MYCN: variants seen among roughly 807,000 people sequenced by gnomAD.
MYCN encodes the protein MYCN proto-oncogene, bHLH transcription factor.
Under a neutral mutation model 28.1 loss-of-function variants are expected in MYCN, and 3 were observed. The observed-to-expected ratio is 0.11, with a 90% CI of 0.05 to 0.28. The LOEUF (loss-of-function observed/expected upper bound fraction) is 0.28. MYCN is among the 10% of genes least tolerant of loss of function. The probability of loss-of-function intolerance (pLI) is 1.00; values close to 1 mark genes in which losing one functional copy is unlikely to be tolerated. For synonymous variants in MYCN, 326 were observed against 288.3 expected, an observed-to-expected ratio of 1.13 and a Z score of -1.32; for missense variants, 572 against 651.4, an observed-to-expected ratio of 0.88 and a Z score of 1.33.
At position 15,946,442 on chromosome 2, in the gene MYCN, T is replaced by C; in HGVS notation, c.*345T>C. On this transcript the variant is annotated 3_prime_UTR_variant, in exon 3 of 3. Coordinates refer to ENST00000281043, the MANE Select transcript of MYCN (RefSeq NM_005378.6). ...CCTTCTTTTTAAAATGGTGCTTAAGTTCCAGCAGATGCCACATAAGGGGTT... is the reference window on the plus strand; with the variant it reads ...CCTTCTTTTTAAAATGGTGCTTAAGCTCCAGCAGATGCCACATAAGGGGTT... The C allele has an allele frequency of 2.3e-6, 1 of 430,254 alleles. No individual in the cohort carries two copies. Among genetic ancestry groups the C allele is most frequent in the Non-Finnish European group, 4.3e-6 (1 of 230,984 alleles). The allele number at this position is 430,254 out of a possible 1,614,324, so 26.7% of individuals were successfully genotyped here. A position where few individuals can be genotyped will look rare whatever the true frequency, so the allele number is the denominator to read the frequency against.
chr2:15,946,140 T>C lies in MYCN; in HGVS notation c.*43T>C, dbSNP rs1188147846. The C allele has an allele frequency of 1.9e-6, 3 of 1,613,566 alleles. No homozygotes were observed. Among genetic ancestry groups the C allele is most frequent in the African/African-American group, 2.7e-5 (2 of 74,932 alleles). On this transcript the variant is annotated 3_prime_UTR_variant, in exon 3 of 3. Coordinates refer to ENST00000281043, the MANE Select transcript of MYCN (RefSeq NM_005378.6). Reference sequence around the variant, plus strand: ...ACAGTCACTGCCACTTTGCACATTTTGATTTTTTTTTTAAACAAACATTGT... The same window carrying C: ...ACAGTCACTGCCACTTTGCACATTTCGATTTTTTTTTTAAACAAACATTGT...
At chr2:15,943,386 C>T (rs1662768375) in intron 2 of MYCN, among the ~76,000 whole-genome samples, 2 of 147,336 alleles carry the variant, frequency 1.4e-5, no homozygotes, top group Non-Finnish European at 3.0e-5. Flanking sequence ...AGCCGATTTT[C>T]TATTCTTTTT....
intron 2 of MYCN, among the ~76,000 whole-genome samples, chr2:15,944,249 G>T (rs1312261224): frequency 6.6e-6 from 1 of 152,138 alleles, no homozygotes; most frequent in Non-Finnish European, 1.5e-5. Flanking sequence ...TCAAGCAGAA[G>T]ATATGTTTTG....
At position 15,945,339 on chromosome 2, in the gene MYCN, A is replaced by G. The variant is rs1662832546; in HGVS notation, c.791-154A>G. Among the ~76,000 whole-genome samples, 1 of 152,154 alleles carries G rather than the reference A, an allele frequency of 6.6e-6. No individual in the cohort carries two copies. Among genetic ancestry groups the G allele is most frequent in the African/African-American group, 2.4e-5 (1 of 41,420 alleles). On this transcript the variant is annotated intron_variant, in intron 2 of 2. Transcript: ENST00000281043. This position sits in a 1 kb window ranked among gnomAD's most constrained non-coding sequence, Gnocchi z 4.8. ...ATTTAAAGAGATCTAAAACAAATACAAAACTGTCCACATCTATGTTGATGG... is the reference window on the plus strand; with the variant it reads ...ATTTAAAGAGATCTAAAACAAATACGAAACTGTCCACATCTATGTTGATGG...
rs1202048593 is a variant in MYCN, at chr2:15,945,578, G to C, written c.876G>C (p.Lys292Asn). 1.9e-6 allele frequency: 3 copies of C among 1,614,092 alleles called. No homozygotes were observed. Among genetic ancestry groups the C allele is most frequent in the Non-Finnish European group, 2.5e-6 (3 of 1,180,016 alleles). The change falls in exon 3 of 3, where the codon AAG (lysine) becomes AAC (asparagine). Residue 292 changes from lysine (K) to asparagine (N), a missense_variant. By Grantham distance (94) the Lys-to-Asn change is moderately conservative. This residue lies in a region of MYCN where 499 missense variants were observed against 524.3 expected (regional missense o/e 0.95). Coordinates refer to ENST00000281043, the MANE Select transcript of MYCN (RefSeq NM_005378.6). The surrounding 1 kb of genome is among the most constrained non-coding windows in gnomAD (Gnocchi z 4.8). ...VEKRRSSSNT[K>N]AVTTFTITVR... is the part of the protein sequence containing the mutation. Reference sequence around the variant, plus strand: ...AGCGGCGTTCCTCCTCCAACACCAAGGCTGTCACCACATTCACCATCACTG... The same window carrying C: ...AGCGGCGTTCCTCCTCCAACACCAACGCTGTCACCACATTCACCATCACTG...
Position 15,942,168 on chromosome 2 carries a change from T to A in MYCN, c.104T>A (p.Phe35Tyr). ...TGCTTCTACCCGGACGAAGATGACT[T>A]CTACTTCGGCGGCCCCGACTCGACC... ...QPCFYPDEDD[F>Y]YFGGPDSTPP... Residue 35 changes from phenylalanine (F) to tyrosine (Y), a missense_variant, in exon 2 of 3, where the codon TTC becomes TAC. By Grantham distance (22) the Phe-to-Tyr change is conservative. Coordinates refer to ENST00000281043, the MANE Select transcript of MYCN (RefSeq NM_005378.6). This position sits in a 1 kb window ranked among gnomAD's most constrained non-coding sequence, Gnocchi z 7.0. 1 of 1,613,754 alleles carries A rather than the reference T, an allele frequency of 6.2e-7. No individual in the cohort carries two copies. The highest frequency in any genetic ancestry group is 8.5e-7 in the Non-Finnish European group (1 of 1,179,978).
rs41295950 is a variant in MYCN at position 15,942,899 on chromosome 2, C to T, written c.790+45C>T. Reference sequence around the variant, plus strand: ...CCGGCTGCCTCCCTGGGGCACTGGACCCCGGGTCGCGTCCCCTTTGTTAGT... The same window carrying T: ...CCGGCTGCCTCCCTGGGGCACTGGATCCCGGGTCGCGTCCCCTTTGTTAGT... On this transcript the variant is annotated intron_variant, in intron 2 of 2. Transcript: ENST00000281043. This position sits in a 1 kb window ranked among gnomAD's most constrained non-coding sequence, Gnocchi z 7.0. 1,763 of 1,545,286 alleles carry T rather than the reference C, an allele frequency of 1.1e-3. 3 individuals are homozygous for T. The highest frequency in any genetic ancestry group is 1.5e-3 in the Non-Finnish European group (1,675 of 1,148,954).
rs779755745 is a variant in MYCN, at chr2:15,942,817, C to T, written c.753C>T (p.Ala251=). Residue 251 remains alanine, a synonymous_variant, in exon 2 of 3, where the codon GCC becomes GCT. Coordinates refer to ENST00000281043, the MANE Select transcript of MYCN (RefSeq NM_005378.6). This position sits in a 1 kb window ranked among gnomAD's most constrained non-coding sequence, Gnocchi z 7.0. ...GRQTSGGDHK[A]LSTSGEDTLS... is the part of the protein sequence containing the mutation. ...AGACCAGCGGCGGCGACCACAAGGCCCTCAGTACCTCCGGAGAGGACACCC... is the reference window on the plus strand; with the variant it reads ...AGACCAGCGGCGGCGACCACAAGGCTCTCAGTACCTCCGGAGAGGACACCC... The T allele has an allele frequency of 9.6e-5, 150 of 1,567,990 alleles. 2 individuals carry two copies. In the South Asian group the frequency reaches 1.2e-3, roughly 13 times the overall value.
rs924860472 is a variant in MYCN at position 15,940,597 on chromosome 2, C to T, written c.-264C>T. 7.5e-6 allele frequency: 3 copies of T among 400,368 alleles called. No homozygotes were observed. The highest frequency in any genetic ancestry group is 1.3e-5 in the Non-Finnish European group (3 of 226,252). 24.8% of individuals were successfully genotyped at this position (400,368 alleles called of 1,614,324 possible). On this transcript the variant is annotated 5_prime_UTR_variant, in exon 1 of 3. Coordinates refer to ENST00000281043, the MANE Select transcript of MYCN (RefSeq NM_005378.6). ...GGACGCGCTGGGTGGATGCGGGGGG[C>T]TCCTGGGAACTGTGTTGGAGCCGAG... is the stretch of plus-strand genomic sequence containing the variant.
Position 15,946,143 on chromosome 2 carries a change from T to C in MYCN, c.*46T>C. 6.6e-7 allele frequency: 1 copy of C among 1,515,832 alleles called. No individual in the cohort carries two copies. Among genetic ancestry groups the C allele is most frequent in the Non-Finnish European group, 9.1e-7 (1 of 1,102,548 alleles). 93.9% of individuals were successfully genotyped at this position (1,515,832 alleles called of 1,614,324 possible). On this transcript the variant is annotated 3_prime_UTR_variant, in exon 3 of 3. Transcript: ENST00000281043. The stretch of plus-strand genomic sequence containing the variant: ...GTCACTGCCACTTTGCACATTTTGA[T>C]TTTTTTTTTAAACAAACATTGTGTT...
chr2:15,942,028 G>T lies in MYCN; in HGVS notation c.-37G>T. 6.2e-7 allele frequency: 1 copy of T among 1,612,594 alleles called. No homozygotes were observed. The highest frequency in any genetic ancestry group is 8.5e-7 in the Non-Finnish European group (1 of 1,179,784). ...CCCCGGTATTAAAACGAACGGGGCG[G>T]AAAGAAGCCCTCAGTCGCCGGCCGG... is the stretch of plus-strand genomic sequence containing the variant. On this transcript the variant is annotated 5_prime_UTR_variant, in exon 2 of 3. It introduces an in-frame stop codon into an upstream open reading frame of the 5' UTR. Coordinates refer to ENST00000281043, the MANE Select transcript of MYCN (RefSeq NM_005378.6). The surrounding 1 kb of genome is among the most constrained non-coding windows in gnomAD (Gnocchi z 7.0).
chr2:15,942,353 T>G lies in MYCN; in HGVS notation c.289T>G (p.Phe97Val). The stretch of plus-strand genomic sequence containing the variant: ...GGGCAGCCCGGCCGAGGAGGACGCG[T>G]TCGGCCTGGGGGGACTGGGTGGCCT... ...LWGSPAEEDA[F>V]GLGGLGGLTP... Residue 97 changes from phenylalanine to valine, a missense_variant, in exon 2 of 3, where the codon TTC becomes GTC. This residue lies in a region of MYCN where 499 missense variants were observed against 524.3 expected (regional missense o/e 0.95). Transcript: ENST00000281043. This position sits in a 1 kb window ranked among gnomAD's most constrained non-coding sequence, Gnocchi z 7.0. 6.2e-7 allele frequency: 1 copy of G among 1,607,462 alleles called. No individual in the cohort carries two copies. The highest frequency in any genetic ancestry group is 8.5e-7 in the Non-Finnish European group (1 of 1,177,970).
Position 15,942,021 on chromosome 2 carries a change from C to A in MYCN, c.-44C>A, listed in dbSNP as rs2103322873. On this transcript the variant is annotated 5_prime_UTR_variant, in exon 2 of 3. Transcript: ENST00000281043. The surrounding 1 kb of genome is among the most constrained non-coding windows in gnomAD (Gnocchi z 7.0). ...GAAGCACCCCCGGTATTAAAACGAA[C>A]GGGGCGGAAAGAAGCCCTCAGTCGC... 6.2e-7 allele frequency: 1 copy of A among 1,611,784 alleles called. No homozygotes were observed.
chr2:15,946,447 G>C lies in MYCN; in HGVS notation c.*350G>C, dbSNP rs1456329363. The C allele has an allele frequency of 4.7e-6, 2 of 427,746 alleles. No homozygotes were observed. Among genetic ancestry groups the C allele is most frequent in the Non-Finnish European group, 8.7e-6 (2 of 229,538 alleles). 26.5% of individuals were successfully genotyped at this position (427,746 alleles called of 1,614,324 possible). A position where few individuals can be genotyped will look rare whatever the true frequency, so the allele number is the denominator to read the frequency against. ...TTTTTAAAATGGTGCTTAAGTTCCA[G>C]CAGATGCCACATAAGGGGTTTGCCA... is the stretch of plus-strand genomic sequence containing the variant. On this transcript the variant is annotated 3_prime_UTR_variant, in exon 3 of 3. Coordinates refer to ENST00000281043, the MANE Select transcript of MYCN (RefSeq NM_005378.6).
rs1054378251 is a variant in MYCN, at chr2:15,946,357, C to A, written c.*260C>A. The A allele has an allele frequency of 5.6e-6, 3 of 538,182 alleles. No homozygotes were observed. The African/African-American group carries it at 5.7e-5, about 10-fold the overall frequency. The allele number at this position is 538,182 out of a possible 1,614,324, so 33.3% of individuals were successfully genotyped here. ...GCTAAACGTTGGTGACGGTTGGGAG[C>A]CTCTGGGGCTGTTGAAGTCACCTTG... On this transcript the variant is annotated 3_prime_UTR_variant, in exon 3 of 3. Coordinates refer to ENST00000281043, the MANE Select transcript of MYCN (RefSeq NM_005378.6).
Position 15,946,815 on chromosome 2 carries a change from T to C in MYCN, c.*718T>C, listed in dbSNP as rs1379270774. The C allele has an allele frequency of 4.5e-6, 1 of 221,314 alleles. No individual in the cohort carries two copies. The highest frequency in any genetic ancestry group is 9.0e-6 in the Non-Finnish European group (1 of 110,568). The allele number at this position is 221,314 out of a possible 1,614,324, so 13.7% of individuals were successfully genotyped here. On this transcript the variant is annotated 3_prime_UTR_variant, in exon 3 of 3. Transcript: ENST00000281043. ...GAACTAAGAAACTTTTGTAAAGAAA[T>C]TTACTATATATATATGCCTTTTTCC...
At position 15,942,726 on chromosome 2, in the gene MYCN, C is replaced by CG; in HGVS notation, c.667dup (p.Ala223GlyfsTer43). 1 of 1,266,370 alleles carries CG rather than the reference C, an allele frequency of 7.9e-7. No homozygotes were observed. The highest frequency in any genetic ancestry group is 9.9e-7 in the Non-Finnish European group (1 of 1,008,214). The allele number at this position is 1,266,370 out of a possible 1,614,324, so 78.4% of individuals were successfully genotyped here. A position where few individuals can be genotyped will look rare whatever the true frequency, so the allele number is the denominator to read the frequency against. On this transcript the variant is annotated frameshift_variant, in exon 2 of 3. Coordinates refer to ENST00000281043, the MANE Select transcript of MYCN (RefSeq NM_005378.6). LOFTEE classifies it high-confidence loss of function. This position sits in a 1 kb window ranked among gnomAD's most constrained non-coding sequence, Gnocchi z 7.0. ...CCGGCGGCGGGCCCTGCGGTCGCCT[C>CG]GGGGGCGGGTATTGCCGCCCCAGCC...
rs745765302 is a variant in MYCN at position 15,946,268 on chromosome 2, G to A, written c.*171G>A. 4 of 922,846 alleles carry A rather than the reference G, an allele frequency of 4.3e-6. No individual in the cohort carries two copies. Among genetic ancestry groups the A allele is most frequent in the Non-Finnish European group, 6.7e-6 (4 of 600,036 alleles). 57.2% of individuals were successfully genotyped at this position (922,846 alleles called of 1,614,324 possible). A position where few individuals can be genotyped will look rare whatever the true frequency, so the allele number is the denominator to read the frequency against. On this transcript the variant is annotated 3_prime_UTR_variant, in exon 3 of 3. Coordinates refer to ENST00000281043, the MANE Select transcript of MYCN (RefSeq NM_005378.6). ...AGTGTGGGGTTCTGCTGGGACCTTG[G>A]AGAGCCTGCATCCCAGGATGCTGGG...
intron 2 of MYCN, among the ~76,000 whole-genome samples, chr2:15,944,905 T>C (rs968670251): frequency 6.6e-6 from 1 of 152,050 alleles, no homozygotes; most frequent in Non-Finnish European, 1.5e-5. Context: ...CCTGCTAAAG[T>C]CTTGAATGGA....
Sources: allele counts gnomAD v4.1 joint callset (sites outside exome capture counted in the v4.1 genomes callset), GRCh38; gene constraint gnomAD v4.1.1; regional missense constraint gnomAD v4.1.1; non-coding constraint Gnocchi (gnomAD v3.1); transcripts MANE v1.5; gene names NCBI Gene and HGNC (gene_info 2026-07-23, HGNC 2026-07-21).